Variants in DOP1B observed in about 807,000 individuals in gnomAD.
The protein encoded by DOP1B is DOP1 leucine zipper like protein B.
A neutral mutation model predicts 233.5 loss-of-function variants in DOP1B; 174 were observed. The ratio of observed to expected loss-of-function variants is 0.75; its 90% confidence interval spans 0.66 to 0.85. The LOEUF (loss-of-function observed/expected upper bound fraction) is 0.85, where lower values mean the gene tolerates loss of function less well. Among genes scored for constraint, DOP1B ranks in the 40% least tolerant of loss-of-function variants. The pLI is 0.00. For synonymous variants in DOP1B, 1,190 were observed against 1,185.6 expected (o/e 1.00, Z -0.08); for missense variants, 2,652 against 2,846.6 (o/e 0.93, Z 1.56).
intron 24 of DOP1B, chr21:36,261,085 C>T (rs2067164698): frequency 9.8e-7 from 1 of 1,018,694 alleles, no homozygotes. Context: ...GAGAAATGGG[C>T]CAGGCGCGGT....
intron 10 of DOP1B, among the ~76,000 whole-genome samples, chr21:36,221,338 T>C (rs1397449539): frequency 1.3e-5 from 2 of 151,516 alleles, no homozygotes; most frequent in East Asian, 4.1e-4. Context: ...ACAAAAAAAA[T>C]ACAAAGGTTA....
Position 36,245,981 on chromosome 21 carries a change from C to T in DOP1B, c.4001C>T (p.Ser1334Leu), listed in dbSNP as rs565804931. 3.5e-5 allele frequency: 57 copies of T among 1,613,960 alleles called. 1 individual carries two copies. In the Middle Eastern group the frequency reaches 6.6e-4, roughly 19 times the overall value. ...TACTACCCTTGCTATTTGAAGGTCT[C>T]GCACCGAGACATTCTCGGCAACCGG... ...RSYYPCYLKV[S>L]HRDILGNRDV... Residue 1334 changes from serine (S) to leucine (L), a missense_variant, in exon 19 of 37, where the codon TCG becomes TTG. Ser to Leu is a moderately radical substitution (Grantham distance 145). This residue lies in a region of DOP1B where 2,617 missense variants were observed against 2,794.3 expected (regional missense o/e 0.94). Coordinates refer to ENST00000691173, the MANE Select transcript of DOP1B (RefSeq NM_001320714.2). The surrounding 1 kb of genome is among the most constrained non-coding windows in gnomAD (Gnocchi z 5.5).
In DOP1B at chr21:36,250,584, C is replaced by A. The variant is rs546408064; in HGVS notation, c.4999-578C>A. On this transcript the variant is annotated intron_variant, in intron 21 of 36. Coordinates refer to ENST00000691173, the MANE Select transcript of DOP1B (RefSeq NM_001320714.2). ...GCGGTAGGATTTACAGAGCGAGAAACGTGGCGGGAACACAGAGAAATTCAT... is the reference window on the plus strand; with the variant it reads ...GCGGTAGGATTTACAGAGCGAGAAAAGTGGCGGGAACACAGAGAAATTCAT... Among the ~76,000 whole-genome samples, 3 of 152,252 alleles carry A rather than the reference C, an allele frequency of 2.0e-5. No individual in the cohort carries two copies. The East Asian group carries it at 5.8e-4, about 29-fold the overall frequency.
In DOP1B at chr21:36,248,446, C is replaced by G. The variant is rs373514422; in HGVS notation, c.4876C>G (p.Arg1626Gly). Residue 1626 changes from arginine (R) to glycine (G), a missense_variant, in exon 21 of 37, where the codon CGA (arginine) becomes GGA (glycine). This residue lies in a region of DOP1B where 2,617 missense variants were observed against 2,794.3 expected (regional missense o/e 0.94). Coordinates refer to ENST00000691173, the MANE Select transcript of DOP1B (RefSeq NM_001320714.2). ...AAATGCCATTTTGGAAGAGCTGCCTCGAACTGTTAACACCATGGCCCTTCT... is the reference window on the plus strand; with the variant it reads ...AAATGCCATTTTGGAAGAGCTGCCTGGAACTGTTAACACCATGGCCCTTCT... ...ARNAILEELPRTVNTMALLWN... is the reference protein window; with the variant it reads ...ARNAILEELPGTVNTMALLWN... The G allele has an allele frequency of 4.3e-6, 7 of 1,614,044 alleles. No individual in the cohort carries two copies. Among genetic ancestry groups the G allele is most frequent in the Non-Finnish European group, 5.9e-6 (7 of 1,179,952 alleles).
At chr21:36,233,456 C>G (rs1207371107) in intron 15 of DOP1B, among the ~76,000 whole-genome samples, 3 of 152,180 alleles carry the variant, frequency 2.0e-5, no homozygotes, top group Non-Finnish European at 4.4e-5. Flanking sequence ...CCAGGAGGTG[C>G]AAAAGCCCTT....
At chr21:36,169,166 C>T (rs1041620153) in intron 2 of DOP1B, 2 of 1,012,432 alleles carry the variant, frequency 2.0e-6, no homozygotes, top group Non-Finnish European at 3.1e-6. Context: ...CTTCTTGGTT[C>T]CCACCACACA....
At chr21:36,256,780 T>C (rs752434628) in intron 23 of DOP1B, among the ~76,000 whole-genome samples, 12 of 149,960 alleles carry the variant, frequency 8.0e-5, no homozygotes, top group Admixed American at 4.0e-4. Context: ...AAAAAACAAC[T>C]GTGTCCTCAC....
At chr21:36,261,308 C>T (rs964449689) in intron 24 of DOP1B, 14 of 970,354 alleles carry the variant, frequency 1.4e-5, no homozygotes, top group Middle Eastern at 1.1e-3. Context: ...GAGGTTGCAG[C>T]GAGCCAAGAC....
In DOP1B at chr21:36,169,234, A is replaced by G. The variant is rs2065947009; in HGVS notation, c.138+4363A>G. ...CACCATAGTGGACAAAGCCACCCAG[A>G]AGGTCGATGCTCTTGTCAGACAGGT... On this transcript the variant is annotated intron_variant, in intron 2 of 36. Transcript: ENST00000691173. 7 of 961,554 alleles carry G rather than the reference A, an allele frequency of 7.3e-6. 1 individual carries two copies. The South Asian group carries it at 7.7e-5, about 11-fold the overall frequency. The allele number at this position is 961,554 out of a possible 1,614,324, so 59.6% of individuals were successfully genotyped here.
intron 4 of DOP1B, among the ~76,000 whole-genome samples, chr21:36,201,016 T>A (rs2066359052): frequency 6.6e-6 from 1 of 152,146 alleles, no homozygotes; most frequent in South Asian, 2.1e-4. Context: ...ATGAGATCCT[T>A]TAGGCGGAGA....
intron 21 of DOP1B, 115 bp downstream of exon 21, chr21:36,248,683 T>C: frequency 9.9e-7 from 1 of 1,006,660 alleles, no homozygotes; most frequent in Non-Finnish European, 1.3e-6. Context: ...GAAACCCAAG[T>C]CAGAGATCAG....
intron 2 of DOP1B, among the ~76,000 whole-genome samples, chr21:36,175,570 A>ATCACTTGAGGTCAGGAGTTCAAG (rs1226227154): frequency 3.3e-5 from 5 of 151,408 alleles, no homozygotes; most frequent in Admixed American, 6.6e-5. Flanking sequence ...AGATGGGTGG[A>ATCACTTGAGGTCAGGAGTTCAAG]TCACTTGAGG....
intron 12 of DOP1B, among the ~76,000 whole-genome samples, chr21:36,227,214 A>G (rs941208871): frequency 6.7e-6 from 1 of 150,056 alleles, no homozygotes; most frequent in African/African-American, 2.4e-5. Flanking sequence ...TCTCAAAAAA[A>G]TAAATAAATA....
At position 36,211,630 on chromosome 21, in the gene DOP1B, C is replaced by A. The variant is rs763712532; in HGVS notation, c.759C>A (p.Phe253Leu). 6.2e-7 allele frequency: 1 copy of A among 1,614,102 alleles called. No homozygotes were observed. Among genetic ancestry groups the A allele is most frequent in the Admixed American group, 1.7e-5 (1 of 60,004 alleles). ...QRNNLEIVLF[F>L]FPFYTCLDSN... ...ATAATCTGGAAATCGTTCTGTTTTT[C>A]TTCCCATTTTATACCTGTCTGGTAA... is the stretch of plus-strand genomic sequence containing the variant. Residue 253 changes from phenylalanine (F) to leucine (L), a missense_variant, in exon 6 of 37, where the codon TTC becomes TTA. By Grantham distance (22) the Phe-to-Leu change is conservative. Coordinates refer to ENST00000691173, the MANE Select transcript of DOP1B (RefSeq NM_001320714.2).
intron 3 of DOP1B, 103 bp from the exon 4 acceptor site, chr21:36,200,228 G>T (rs2066345018): frequency 1.4e-6 from 2 of 1,430,898 alleles, no homozygotes; most frequent in Non-Finnish European, 1.9e-6. Flanking sequence ...AGTTTAAATG[G>T]CCAGCTGTTT....
At chr21:36,219,553 T>C in intron 10 of DOP1B, 61 bp downstream of exon 10, 1 of 1,586,062 alleles carries the variant, frequency 6.3e-7, no homozygotes, top group Non-Finnish European at 8.6e-7. Flanking sequence ...TGATTTTTTT[T>C]TTCCTCTCTT....
At chr21:36,278,844 G>A (rs2067383667) in intron 30 of DOP1B, among the ~76,000 whole-genome samples, 1 of 152,182 alleles carries the variant, frequency 6.6e-6, no homozygotes, top group South Asian at 2.1e-4. Flanking sequence ...ACTCCAGCCT[G>A]GGCAACAAGA....
intron 14 of DOP1B, 63 bp from the exon 15 acceptor site, chr21:36,232,741 G>A (rs990543595): frequency 1.3e-6 from 2 of 1,598,522 alleles, no homozygotes; most frequent in African/African-American, 1.3e-5. Context: ...AGAATCTGCA[G>A]ACTGGGGACC....
In DOP1B at chr21:36,210,442, C is replaced by A. The variant is rs371857412; in HGVS notation, c.682-1111C>A. Among the ~76,000 whole-genome samples the A allele has an allele frequency of 2.8e-3, 425 of 152,244 alleles. 2 individuals carry two copies. Among genetic ancestry groups the A allele is most frequent in the African/African-American group, 9.7e-3 (402 of 41,538 alleles). ...GGTGGATTACCTGAGGCCAGGAGTT[C>A]AAGACCACCCTGGCCAACATGGTGA... On this transcript the variant is annotated intron_variant, in intron 5 of 36. Coordinates refer to ENST00000691173, the MANE Select transcript of DOP1B (RefSeq NM_001320714.2).
Sources: allele counts gnomAD v4.1 joint callset (sites outside exome capture counted in the v4.1 genomes callset), GRCh38; gene constraint gnomAD v4.1.1; regional missense constraint gnomAD v4.1.1; non-coding constraint Gnocchi (gnomAD v3.1); transcripts MANE v1.5; gene names NCBI Gene and HGNC (gene_info 2026-07-23, HGNC 2026-07-21).